FSD1L: variants seen among roughly 807,000 people sequenced by gnomAD.
The protein encoded by FSD1L is fibronectin type III and SPRY domain containing 1 like.
Under a neutral mutation model 71.6 loss-of-function variants are expected in FSD1L, and 45 were observed. That is an observed-to-expected ratio of 0.63 (90% CI 0.49 to 0.81). FSD1L has a LOEUF of 0.81. FSD1L is among the 30% of genes least tolerant of loss of function. FSD1L has a pLI of 0.00. For synonymous variants in FSD1L, 197 were observed against 207.2 expected (o/e 0.95, Z 0.42); for missense variants, 561 against 618.1 (o/e 0.91, Z 0.98).
intron 3 of FSD1L, 78 bp from the exon 4 acceptor site, chr9:105,468,115 C>A: frequency 1.1e-6 from 1 of 938,678 alleles, no homozygotes; most frequent in Non-Finnish European, 1.4e-6. Flanking sequence ...AATTTATTCT[C>A]TCTTTTGGGC....
intron 13 of FSD1L, among the ~76,000 whole-genome samples, chr9:105,544,482 C>T (rs1324257531): frequency 2.0e-5 from 3 of 151,968 alleles, no homozygotes; most frequent in African/African-American, 4.8e-5. Flanking sequence ...TTTGGTGTTT[C>T]AGACATGAAG....
Position 105,547,720 on chromosome 9 carries a change from A to C in FSD1L, c.*1237A>C, listed in dbSNP as rs1224622710. ...TATGTGGAACATAACTGTTCTTAAA[A>C]AGTCAATTATAATTTGTAACTCACA... is the stretch of plus-strand genomic sequence containing the variant. On this transcript the variant is annotated 3_prime_UTR_variant, in exon 14 of 14. Transcript: ENST00000481272. 1 of 152,116 alleles carries C rather than the reference A, an allele frequency of 6.6e-6. No individual in the cohort carries two copies. Among genetic ancestry groups the C allele is most frequent in the Non-Finnish European group, 1.5e-5 (1 of 67,980 alleles). The allele number at this position is 152,116 out of a possible 1,614,324, so 9.4% of individuals were successfully genotyped here. A position where few individuals can be genotyped will look rare whatever the true frequency, so the allele number is the denominator to read the frequency against.
chr9:105,471,491 A>G (rs753980434), intron 4 of FSD1L, among the ~76,000 whole-genome samples: 6 of 152,102 alleles, frequency 3.9e-5, no homozygotes, highest in African/African-American at 7.2e-5. Context: ...GAACCTTGCC[A>G]TTTAGGTTTA....
intron 10 of FSD1L, chr9:105,524,826 G>A (rs1835407890): frequency 1.3e-6 from 2 of 1,588,724 alleles, no homozygotes; most frequent in South Asian, 1.1e-5. Flanking sequence ...AATGAGCGGT[G>A]GTCCTGCTAT....
chr9:105,499,632 G>T (rs193295186), intron 7 of FSD1L, among the ~76,000 whole-genome samples: 48 of 151,088 alleles, frequency 3.2e-4, no homozygotes, highest in African/African-American at 1.1e-3. Flanking sequence ...CTGAATATAT[G>T]CCTAGATACA....
intron 13 of FSD1L, among the ~76,000 whole-genome samples, chr9:105,543,832 T>C (rs1232681790): frequency 1.3e-5 from 2 of 152,226 alleles, no homozygotes; most frequent in African/African-American, 4.8e-5. Flanking sequence ...CAGTCTATCA[T>C]TGATGGACAT....
At position 105,467,870 on chromosome 9, in the gene FSD1L, C is replaced by T. The variant is rs117910626; in HGVS notation, c.208-323C>T. Among the ~76,000 whole-genome samples, 15 of 152,294 alleles carry T rather than the reference C, an allele frequency of 9.8e-5. 1 individual carries two copies. The highest frequency in any genetic ancestry group is 9.6e-4 in the East Asian group (5 of 5,182). The stretch of plus-strand genomic sequence containing the variant: ...ACTGGCTTAGAGTCTGCCTGAGAGA[C>T]TGAAGGTCTGGACGAAGTTGGGAAC... On this transcript the variant is annotated intron_variant, in intron 3 of 13. Coordinates refer to ENST00000481272, the MANE Select transcript of FSD1L (RefSeq NM_001145313.3).
intron 10 of FSD1L, among the ~76,000 whole-genome samples, chr9:105,514,847 G>A (rs896935625): frequency 5.3e-5 from 8 of 152,132 alleles, no homozygotes; most frequent in Non-Finnish European, 1.5e-5. Context: ...CAGTTTATGG[G>A]CCTGAGAGTC....
At chr9:105,492,290 G>A (rs1024638487) in intron 7 of FSD1L, among the ~76,000 whole-genome samples, 2 of 152,162 alleles carry the variant, frequency 1.3e-5, no homozygotes, top group African/African-American at 4.8e-5. Context: ...TTGCGTAGAG[G>A]TGTTTGTAGT....
chr9:105,469,980 A>C (rs1386468137), intron 4 of FSD1L, among the ~76,000 whole-genome samples: 1 of 151,772 alleles, frequency 6.6e-6, no homozygotes, highest in African/African-American at 2.4e-5. Context: ...TTGCTTGTGG[A>C]TATTCGGTTT....
Position 105,546,558 on chromosome 9 carries a change from T to C in FSD1L, c.*75T>C. ...TGTGCAGTTACTAATCACAGGAATT[T>C]GGTAGTAGTGAAAATCAGGTTTGCT... On this transcript the variant is annotated 3_prime_UTR_variant, in exon 14 of 14. Transcript: ENST00000481272. The C allele has an allele frequency of 7.2e-7, 1 of 1,396,860 alleles. No homozygotes were observed. The highest frequency in any genetic ancestry group is 9.5e-7 in the Non-Finnish European group (1 of 1,057,224). 86.5% of individuals were successfully genotyped at this position (1,396,860 alleles called of 1,614,324 possible).
intron 1 of FSD1L, among the ~76,000 whole-genome samples, chr9:105,455,797 G>C (rs1588912578): frequency 1.3e-5 from 2 of 152,300 alleles, no homozygotes; most frequent in East Asian, 3.9e-4. Context: ...CATATTAGCA[G>C]CACAGTGCCT....
chr9:105,545,377 A>C (rs954927738), intron 13 of FSD1L, among the ~76,000 whole-genome samples: 1 of 146,284 alleles, frequency 6.8e-6, no homozygotes, highest in African/African-American at 2.7e-5. Flanking sequence ...AAACAGGGAC[A>C]ATTTGACTTC....
chr9:105,534,948 C>A (rs1836170403), intron 11 of FSD1L, 119 bp from the exon 12 acceptor site: 1 of 910,118 alleles, frequency 1.1e-6, no homozygotes, highest in Non-Finnish European at 1.7e-6. Flanking sequence ...CATGATTATT[C>A]TTATAGGAAA....
chr9:105,461,605 A>G lies in FSD1L; in HGVS notation c.101A>G (p.Asn34Ser). The change falls in exon 2 of 14, where the codon AAC becomes AGC. Residue 34 changes from asparagine to serine, a missense_variant. Around this residue, in one of 3 missense-constraint regions of FSD1L, gnomAD observed 410 missense variants for 413.5 expected, o/e 0.99. Coordinates refer to ENST00000481272, the MANE Select transcript of FSD1L (RefSeq NM_001145313.3). ...ATCACTATTGGACCAGAGTCTATTA[A>G]CTTGCAGCAGGTTGGTAGCTCTTAA... ...SNITIGPESI[N>S]LQQEALQRII... 2.6e-6 allele frequency: 4 copies of G among 1,548,554 alleles called. No homozygotes were observed. The highest frequency in any genetic ancestry group is 2.6e-6 in the Non-Finnish European group (3 of 1,143,912).
intron 7 of FSD1L, among the ~76,000 whole-genome samples, chr9:105,495,319 A>G (rs1032884707): frequency 2.2e-4 from 34 of 151,312 alleles, no homozygotes; most frequent in Admixed American, 2.2e-3. Context: ...GCGGGATATA[A>G]TCTCCTGGTG....
intron 10 of FSD1L, 94 bp from the exon 11 acceptor site, chr9:105,534,399 T>C (rs1042712895): frequency 9.2e-6 from 6 of 648,890 alleles, no homozygotes; most frequent in Non-Finnish European, 1.6e-5. Flanking sequence ...ATTAGAAATC[T>C]TTTCAGAGGT....
intron 10 of FSD1L, chr9:105,525,905 TG>T: frequency 6.4e-7 from 1 of 1,555,266 alleles, no homozygotes; most frequent in South Asian, 1.1e-5. Flanking sequence ...TCAACAAGAA[TG>T]CCTTCTGATT....
intron 10 of FSD1L, chr9:105,525,130 A>G: frequency 6.4e-7 from 1 of 1,554,094 alleles, no homozygotes; most frequent in Non-Finnish European, 8.7e-7. Context: ...CAGAACCTAC[A>G]TCTTTCATGC....
Sources: gnomAD v4.1 joint callset for allele counts (sites outside exome capture counted in the v4.1 genomes callset) on GRCh38, gnomAD v4.1.1 for gene constraint, gnomAD v4.1.1 regional missense constraint, MANE v1.5 for transcripts, NCBI Gene and HGNC (gene_info 2026-07-23, HGNC 2026-07-21) for gene names.